MTIF2: variants seen among roughly 807,000 people sequenced by gnomAD.
MTIF2 encodes the protein translation initiation factor IF-2, mitochondrial.
MTIF2 carries 71 observed loss-of-function variants against 83.5 expected under a neutral mutation model. The observed-to-expected ratio is 0.85, with a 90% CI of 0.70 to 1.04. The LOEUF (loss-of-function observed/expected upper bound fraction) is 1.04. Ranked by LOEUF, MTIF2 falls within the 50% of genes least tolerant of loss-of-function variation. The pLI, the probability that MTIF2 is intolerant of heterozygous loss-of-function variation, is 0.00. For synonymous variants in MTIF2, 319 were observed against 287.1 expected, an observed-to-expected ratio of 1.11 and a Z score of -1.12; for missense variants, 957 against 846.5, an observed-to-expected ratio of 1.13 and a Z score of -1.62.
intron 2 of MTIF2, among the ~76,000 whole-genome samples, chr2:55,268,253 G>GA (rs67888234): frequency 0.03 from 4,168 of 140,144 alleles, 120 homozygotes; most frequent in African/African-American, 0.08. Flanking sequence ...TCTGTCTAAA[G>GA]AAAAAAAAAA....
chr2:55,237,649 C>CTTTTTTTTTTTTTTTTTTTTT (rs536036933), intron 14 of MTIF2, among the ~76,000 whole-genome samples: 2 of 112,992 alleles, frequency 1.8e-5, no homozygotes, highest in South Asian at 2.8e-4. Flanking sequence ...TTCTTTTTTT[C>CTTTTTTTTTTTTTTTTTTTTT]TTTTTTTTTT....
intron 2 of MTIF2, 81 bp from the exon 3 acceptor site, chr2:55,267,716 G>A (rs1678540591): frequency 2.0e-5 from 3 of 153,312 alleles, no homozygotes; most frequent in South Asian, 2.1e-4. Context: ...ATGAGATGAT[G>A]TATATACTTT....
At chr2:55,262,004 G>C (rs1487954628) in intron 5 of MTIF2, among the ~76,000 whole-genome samples, 2 of 147,324 alleles carry the variant, frequency 1.4e-5, no homozygotes, top group African/African-American at 5.0e-5. Context: ...AAGTATATAA[G>C]TATAGCCCCT....
At chr2:55,262,527 C>CTT in intron 4 of MTIF2, 100 bp from the exon 5 acceptor site, 1 of 522,284 alleles carries the variant, frequency 1.9e-6, no homozygotes, top group African/African-American at 2.1e-5. Context: ...AGCTACATTT[C>CTT]TTTCTTTTTT....
chr2:55,262,466 A>T, intron 4 of MTIF2, 39 bp from the exon 5 acceptor site: 1 of 1,350,408 alleles, frequency 7.4e-7, no homozygotes. Flanking sequence ...AAAAGGAAGA[A>T]AAAACTTAAG....
chr2:55,268,839 T>A (rs1038669520), intron 1 of MTIF2, 100 bp from the exon 2 acceptor site: 3 of 152,142 alleles, frequency 2.0e-5, no homozygotes, highest in Non-Finnish European at 4.4e-5. Context: ...AATAAATCAC[T>A]GCAGAAAAAT....
chr2:55,239,259 T>A (rs1020092859), intron 14 of MTIF2, among the ~76,000 whole-genome samples: 5 of 150,924 alleles, frequency 3.3e-5, no homozygotes, highest in African/African-American at 1.2e-4. Context: ...TGTAGTTTTA[T>A]AAGATAGTAT....
At chr2:55,248,018 A>G (rs777847797) in intron 9 of MTIF2, among the ~76,000 whole-genome samples, 25 of 152,136 alleles carry the variant, frequency 1.6e-4, no homozygotes, top group African/African-American at 5.3e-4. Flanking sequence ...AGCCTCCCCA[A>G]TAGCTAGGAC....
At chr2:55,252,721 T>C (rs770809184) in intron 7 of MTIF2, 68 bp from the exon 8 acceptor site, 15 of 1,100,602 alleles carry the variant, frequency 1.4e-5, no homozygotes, top group Non-Finnish European at 1.8e-5. Flanking sequence ...AAAGAATATA[T>C]GCGACATTAT....
At chr2:55,243,343 A>G in intron 12 of MTIF2, 73 bp downstream of exon 12, 1 of 1,353,322 alleles carries the variant, frequency 7.4e-7, no homozygotes, top group East Asian at 2.3e-5. Flanking sequence ...GTAAATGTAA[A>G]GGCCCAAACT....
chr2:55,243,502 C>A lies in MTIF2; in HGVS notation c.1478G>T (p.Arg493Leu), dbSNP rs188291557. ...TATTTGTTCTTTTCTTTCTAAAAAC[C>A]GTAGAATTGATCTCTTCTTCCACAG... ...HLLWKKRSIL[R>L]FLERKEQIPL... is the part of the protein sequence containing the mutation. Residue 493 changes from arginine (R) to leucine (L), a missense_variant, in exon 12 of 16, where the codon CGG becomes CTG. Physicochemically the swap from Arg to Leu is moderately radical, Grantham distance 102 (BLOSUM62 -2). This residue lies in a region of MTIF2 where 733 missense variants were observed against 648.7 expected (regional missense o/e 1.13). Coordinates refer to ENST00000263629, the MANE Select transcript of MTIF2 (RefSeq NM_002453.3). 36 of 1,613,926 alleles carry A rather than the reference C, an allele frequency of 2.2e-5. No homozygotes were observed. The Middle Eastern group carries it at 5.0e-4, about 22-fold the overall frequency.
intron 10 of MTIF2, 81 bp from the exon 11 acceptor site, chr2:55,244,314 A>T (rs116649173): frequency 0.015 from 15,504 of 1,056,678 alleles, 153 homozygotes; most frequent in Non-Finnish European, 0.018. Context: ...AGTTTAAGTT[A>T]TATAAACATG....
At chr2:55,267,167 T>A (rs189170891) in intron 3 of MTIF2, among the ~76,000 whole-genome samples, 45 of 152,238 alleles carry the variant, frequency 3.0e-4, no homozygotes, top group African/African-American at 1.0e-3. Context: ...ATACTGAATT[T>A]TTTTTTTTGA....
At chr2:55,250,499 C>G (rs1336911424) in intron 8 of MTIF2, among the ~76,000 whole-genome samples, 5 of 151,762 alleles carry the variant, frequency 3.3e-5, no homozygotes. Context: ...TTTATTTACT[C>G]ATTGTTAAAA....
intron 3 of MTIF2, among the ~76,000 whole-genome samples, chr2:55,267,180 T>C (rs1678499629): frequency 6.6e-6 from 1 of 151,976 alleles, no homozygotes; most frequent in African/African-American, 2.4e-5. Flanking sequence ...TTTTTTGAGA[T>C]GGAGTTTTGC....
chr2:55,259,056 T>G (rs1443819854), intron 5 of MTIF2, among the ~76,000 whole-genome samples: 1 of 152,180 alleles, frequency 6.6e-6, no homozygotes, highest in Non-Finnish European at 1.5e-5. Context: ...CAATACATTA[T>G]ACTGAACTTT....
intron 5 of MTIF2, among the ~76,000 whole-genome samples, chr2:55,256,523 T>C (rs1029455454): frequency 6.6e-5 from 10 of 151,728 alleles, no homozygotes; most frequent in Non-Finnish European, 1.2e-4. Flanking sequence ...CTGGCCAATA[T>C]GGTGAAACCC....
chr2:55,263,252 C>A (rs1282293830), intron 4 of MTIF2, among the ~76,000 whole-genome samples: 1 of 152,230 alleles, frequency 6.6e-6, no homozygotes, highest in African/African-American at 2.4e-5. Context: ...CTGTTTTACA[C>A]TGATTTCCAA....
Position 55,241,371 on chromosome 2 carries a change from T to C in MTIF2, c.1706-1196A>G, listed in dbSNP as rs1450723175. On this transcript the variant is annotated intron_variant, in intron 13 of 15. Transcript: ENST00000263629. ...AGGTGGTGGGTGCGGTGAGCCAAGA[T>C]TACGCCACTGCACTCCAGCCTGGGC... Among the ~76,000 whole-genome samples, 3 of 149,714 alleles carry C rather than the reference T, an allele frequency of 2.0e-5. No individual in the cohort carries two copies. In the Admixed American group the frequency reaches 2.0e-4, roughly 10 times the overall value.
Sources: gnomAD v4.1 joint callset for allele counts (sites outside exome capture counted in the v4.1 genomes callset) on GRCh38, gnomAD v4.1.1 for gene constraint, gnomAD v4.1.1 regional missense constraint, MANE v1.5 for transcripts, NCBI Gene and HGNC (gene_info 2026-07-23, HGNC 2026-07-21) for gene names.